Variants in LTF observed in about 807,000 individuals in gnomAD.
The protein encoded by LTF is epididymis luminal protein 110.
A neutral mutation model predicts 87.2 loss-of-function variants in LTF; 91 were observed. That is an observed-to-expected ratio of 1.04 (90% CI 0.88 to 1.24). LTF has a LOEUF of 1.24. Among genes scored for constraint, LTF ranks in the 50% most tolerant of loss-of-function variants. The pLI, the probability that LTF is intolerant of heterozygous loss-of-function variation, is 0.00. For synonymous variants in LTF, 378 were observed against 356.1 expected, an observed-to-expected ratio of 1.06 and a Z score of -0.69; for missense variants, 901 against 904.3, an observed-to-expected ratio of 1.00 and a Z score of 0.05.
chr3:46,457,627 T>A (rs911129200), intron 2 of LTF, among the ~76,000 whole-genome samples: 2 of 152,240 alleles, frequency 1.3e-5, no homozygotes, highest in Admixed American at 6.5e-5. Context: ...TAGCTGTTAT[T>A]ACTATAGAAA....
At chr3:46,450,110 A>G in intron 7 of LTF, 82 bp from the exon 8 acceptor site, 1 of 1,164,760 alleles carries the variant, frequency 8.6e-7, no homozygotes, top group Non-Finnish European at 1.2e-6. Flanking sequence ...GAGTATCTGG[A>G]GCTTTGGGAT....
chr3:46,458,702 G>A (rs1480572584), intron 2 of LTF, among the ~76,000 whole-genome samples: 1 of 152,210 alleles, frequency 6.6e-6, no homozygotes, highest in African/African-American at 2.4e-5. Context: ...AGCCTTGTAA[G>A]TAGCTGGGAA....
intron 16 of LTF, 101 bp downstream of exon 16, chr3:46,437,839 C>T (rs1487646377): frequency 5.9e-6 from 5 of 850,904 alleles, no homozygotes; most frequent in South Asian, 4.5e-5. Context: ...CTTTCCTTAA[C>T]ATTTTTACAC....
chr3:46,445,412 C>T lies in LTF; in HGVS notation c.1382G>A (p.Arg461Lys), dbSNP rs1447922124. 6.2e-7 allele frequency: 1 copy of T among 1,612,862 alleles called. No homozygotes were observed. The highest frequency in any genetic ancestry group is 1.7e-5 in the Admixed American group (1 of 59,744). Residue 461 changes from arginine to lysine, a missense_variant, in exon 12 of 17, where the codon AGG becomes AAG. Transcript: ENST00000231751. ...CCAGGTAAGGCTAGTGTCTGATCTC[C>T]TAACCACCGCCACAGCAAGATATCC... is the stretch of plus-strand genomic sequence containing the variant. ...VEGYLAVAVV[R>K]RSDTSLTWNS...
intron 2 of LTF, among the ~76,000 whole-genome samples, chr3:46,459,000 C>CTT (rs1703011120): frequency 6.6e-6 from 1 of 152,212 alleles, no homozygotes; most frequent in Non-Finnish European, 1.5e-5. Context: ...TATGAAGTTG[C>CTT]CTCGGGAACT....
chr3:46,472,528 G>GTGT (rs1703306998), intron 1 of LTF, among the ~76,000 whole-genome samples: 2 of 134,098 alleles, frequency 1.5e-5, no homozygotes, highest in Non-Finnish European at 3.2e-5. Flanking sequence ...GTGTGTGTGT[G>GTGT]AGAGAGAGAG....
intron 9 of LTF, among the ~76,000 whole-genome samples, chr3:46,448,051 T>C (rs1300840181): frequency 6.6e-6 from 1 of 152,172 alleles, no homozygotes; most frequent in Non-Finnish European, 1.5e-5. Context: ...ACATAAAAGA[T>C]ATCCTGGAAG....
At chr3:46,464,225 C>G (rs974418874) in intron 1 of LTF, among the ~76,000 whole-genome samples, 1 of 152,176 alleles carries the variant, frequency 6.6e-6, no homozygotes, top group Non-Finnish European at 1.5e-5. Context: ...TCTACTCCTT[C>G]CTTCTGTTTG....
intron 1 of LTF, among the ~76,000 whole-genome samples, chr3:46,484,624 T>C (rs1404629438): frequency 2.6e-5 from 4 of 152,210 alleles, no homozygotes; most frequent in African/African-American, 9.7e-5. Context: ...TGAGCCCTTA[T>C]GATCTGGGGG....
At chr3:46,443,231 C>A (rs1702565940) in intron 13 of LTF, among the ~76,000 whole-genome samples, 1 of 152,222 alleles carries the variant, frequency 6.6e-6, no homozygotes, top group Non-Finnish European at 1.5e-5. Context: ...CACTGCGGAG[C>A]TGAGGTCAGA....
At chr3:46,458,310 TA>T (rs1452713961) in intron 2 of LTF, among the ~76,000 whole-genome samples, 1 of 152,260 alleles carries the variant, frequency 6.6e-6, no homozygotes, top group African/African-American at 2.4e-5. Flanking sequence ...AGTTTTTCAA[TA>T]ATACAAGTTT....
At chr3:46,484,253 T>C (rs530117580) in intron 1 of LTF, among the ~76,000 whole-genome samples, 1 of 152,304 alleles carries the variant, frequency 6.6e-6, no homozygotes, top group East Asian at 1.9e-4. Context: ...GGGCCTGGGC[T>C]CTGGCTAGCA....
chr3:46,463,484 G>A (rs1703136810), intron 1 of LTF: 2 of 985,606 alleles, frequency 2.0e-6, no homozygotes, highest in Non-Finnish European at 2.4e-6. Context: ...GAGCAGGGCA[G>A]GAATTCCACA....
chr3:46,472,521 TGTGTGTGAGAGAGA>T (rs1703306136), intron 1 of LTF, among the ~76,000 whole-genome samples: 1 of 148,384 alleles, frequency 6.7e-6, no homozygotes, highest in African/African-American at 2.6e-5. Flanking sequence ...TGTGTGTGTG[TGTGTGTGAGAGAGA>T]GAGAGAGAGA....
chr3:46,473,376 C>T (rs892790711), intron 1 of LTF, among the ~76,000 whole-genome samples: 9 of 152,326 alleles, frequency 5.9e-5, no homozygotes, highest in Admixed American at 1.3e-4. Context: ...GTTCCACCAG[C>T]GCCTCAAAAC....
chr3:46,437,697 A>G (rs544401748), intron 16 of LTF, among the ~76,000 whole-genome samples: 2 of 152,306 alleles, frequency 1.3e-5, no homozygotes, highest in Non-Finnish European at 2.9e-5. Context: ...ATCAGTTTCC[A>G]AAGATTTCAT....
At chr3:46,442,890 T>C (rs1702557486) in intron 13 of LTF, among the ~76,000 whole-genome samples, 2 of 152,124 alleles carry the variant, frequency 1.3e-5, no homozygotes, top group South Asian at 4.1e-4. Context: ...CTGTAAAACG[T>C]GGGGTGTGGT....
chr3:46,441,372 C>A (rs1165451065), intron 14 of LTF, 44 bp downstream of exon 14: 1 of 1,515,400 alleles, frequency 6.6e-7, no homozygotes, highest in Non-Finnish European at 9.1e-7. Flanking sequence ...GTTGTGATGC[C>A]AAAGACTCTG....
intron 1 of LTF, among the ~76,000 whole-genome samples, chr3:46,479,358 G>A (rs905617397): frequency 2.6e-5 from 4 of 152,218 alleles, no homozygotes; most frequent in African/African-American, 7.2e-5. Flanking sequence ...GGGGCCCTGT[G>A]GGTACCTAGA....
Sources: allele counts gnomAD v4.1 joint callset (sites outside exome capture counted in the v4.1 genomes callset), GRCh38; gene constraint gnomAD v4.1.1; transcripts MANE v1.5; gene names NCBI Gene and HGNC (gene_info 2026-07-23, HGNC 2026-07-21).